PTPRT: variants seen among roughly 807,000 people sequenced by gnomAD.
PTPRT encodes the protein protein tyrosine phosphatase receptor type T.
A neutral mutation model predicts 176.8 loss-of-function variants in PTPRT; 56 were observed. The ratio of observed to expected loss-of-function variants is 0.32; its 90% CI spans 0.26 to 0.40. PTPRT has a LOEUF of 0.40. Among genes scored for constraint, PTPRT ranks in the 10% least tolerant of loss-of-function variants. The pLI, the probability that PTPRT is intolerant of heterozygous loss-of-function variation, is 1.00. For synonymous variants in PTPRT, 783 were observed against 739.0 expected, an observed-to-expected ratio of 1.06 and a Z score of -0.96; for missense variants, 1,540 against 1,908.2, an observed-to-expected ratio of 0.81 and a Z score of 3.60.
At chr20:42,269,554 G>C (rs2056895503) in intron 13 of PTPRT, among the ~76,000 whole-genome samples, 1 of 152,220 alleles carries the variant, frequency 6.6e-6, no homozygotes, top group Non-Finnish European at 1.5e-5. Flanking sequence ...ATCAACCTCT[G>C]ACATGAGTGG....
chr20:42,842,444 C>G (rs1009402235), intron 2 of PTPRT, among the ~76,000 whole-genome samples: 1 of 152,038 alleles, frequency 6.6e-6, no homozygotes, highest in Non-Finnish European at 1.5e-5. Context: ...TTTTTTGAGA[C>G]AGTCTTGCTC....
At chr20:42,094,231 G>A (rs1984956567) in intron 27 of PTPRT, among the ~76,000 whole-genome samples, 1 of 152,176 alleles carries the variant, frequency 6.6e-6, no homozygotes, top group African/African-American at 2.4e-5. Flanking sequence ...CAGACTTCAT[G>A]CCCAGGCTCA....
intron 11 of PTPRT, among the ~76,000 whole-genome samples, chr20:42,332,474 T>A (rs2057980072): frequency 6.6e-6 from 1 of 152,150 alleles, no homozygotes; most frequent in African/African-American, 2.4e-5. Context: ...CTTCCCAAAG[T>A]GCTGGGATTA....
chr20:42,911,983 T>TC (rs895446364), intron 1 of PTPRT, among the ~76,000 whole-genome samples: 3 of 150,802 alleles, frequency 2.0e-5, no homozygotes, highest in African/African-American at 7.3e-5. Flanking sequence ...TTTCTTTTTT[T>TC]TTTTTTTTTT....
chr20:42,922,186 G>C (rs1016987058), intron 1 of PTPRT, among the ~76,000 whole-genome samples: 1 of 152,010 alleles, frequency 6.6e-6, no homozygotes, highest in Non-Finnish European at 1.5e-5. Flanking sequence ...CACCCACCTT[G>C]GCCTCCCAAA....
At chr20:42,877,254 A>G (rs1018973305) in intron 2 of PTPRT, among the ~76,000 whole-genome samples, 1 of 152,060 alleles carries the variant, frequency 6.6e-6, no homozygotes, top group Non-Finnish European at 1.5e-5. Context: ...GCACACCCCA[A>G]TTCTCCAGCC....
intron 1 of PTPRT, among the ~76,000 whole-genome samples, chr20:43,186,439 C>T (rs1292708420): frequency 6.6e-6 from 1 of 152,186 alleles, no homozygotes; most frequent in African/African-American, 2.4e-5. Context: ...CACAGCATTG[C>T]TCTTGTTTCC....
At chr20:42,561,533 A>T (rs995219671) in intron 7 of PTPRT, among the ~76,000 whole-genome samples, 3 of 152,208 alleles carry the variant, frequency 2.0e-5, no homozygotes, top group African/African-American at 7.2e-5. Flanking sequence ...CTGTGTTTAA[A>T]GTTCTCCTAG....
Position 42,572,200 on chromosome 20 carries a change from A to G in PTPRT, c.1154-99638T>C, listed in dbSNP as rs549509097. Among the ~76,000 whole-genome samples, 5 of 152,084 alleles carry G rather than the reference A, an allele frequency of 3.3e-5. 1 individual carries two copies. The East Asian group carries it at 9.7e-4, about 29-fold the overall frequency. On this transcript the variant is annotated intron_variant, in intron 7 of 30. Coordinates refer to ENST00000373187, the MANE Select transcript of PTPRT (RefSeq NM_007050.6). ...CACTAATCCCGTTCATGGGGGTGGG[A>G]TCCTCCTGACATAATTGCTTCCTAA... is the stretch of plus-strand genomic sequence containing the variant.
At chr20:42,249,567 A>G (rs2056515327) in intron 13 of PTPRT, among the ~76,000 whole-genome samples, 1 of 152,210 alleles carries the variant, frequency 6.6e-6, no homozygotes, top group Non-Finnish European at 1.5e-5. Flanking sequence ...TCCCAAAGGT[A>G]GACGAGATAC....
intron 13 of PTPRT, among the ~76,000 whole-genome samples, chr20:42,279,828 C>T (rs2057108616): frequency 6.6e-6 from 1 of 152,166 alleles, no homozygotes; most frequent in African/African-American, 2.4e-5. Context: ...TGTAGCTGGT[C>T]ATAGACAGTG....
intron 6 of PTPRT, among the ~76,000 whole-genome samples, chr20:42,729,777 T>A (rs1254542152): frequency 2.0e-5 from 3 of 152,156 alleles, no homozygotes; most frequent in African/African-American, 7.2e-5. Context: ...CTGGAGGCTC[T>A]CCCATGAAAT....
chr20:42,653,855 G>C (rs1389874291), intron 7 of PTPRT, among the ~76,000 whole-genome samples: 1 of 152,138 alleles, frequency 6.6e-6, no homozygotes, highest in East Asian at 1.9e-4. Flanking sequence ...CAGTAAATTT[G>C]ACAATATCTA....
chr20:42,641,207 T>G (rs554391302), intron 7 of PTPRT, among the ~76,000 whole-genome samples: 1 of 152,276 alleles, frequency 6.6e-6, no homozygotes, highest in East Asian at 1.9e-4. Flanking sequence ...TTAAAGAGCA[T>G]GAGCCATTTT....
At chr20:42,615,018 G>T (rs1462843652) in intron 7 of PTPRT, among the ~76,000 whole-genome samples, 1 of 140,064 alleles carries the variant, frequency 7.1e-6, no homozygotes, top group Non-Finnish European at 1.5e-5. Context: ...CATGTGCCAT[G>T]CTGGTGTGCT....
intron 1 of PTPRT, among the ~76,000 whole-genome samples, chr20:43,150,049 T>C (rs1295786526): frequency 2.0e-5 from 3 of 152,220 alleles, no homozygotes; most frequent in Non-Finnish European, 4.4e-5. Flanking sequence ...ATCCACGCAA[T>C]AGAATCTTTG....
intron 19 of PTPRT, among the ~76,000 whole-genome samples, chr20:42,124,671 G>C (rs1373828443): frequency 1.3e-5 from 2 of 152,240 alleles, no homozygotes; most frequent in Non-Finnish European, 2.9e-5. Context: ...CAGGGTGATG[G>C]AGTGAGGACC....
At chr20:42,617,626 T>G in intron 7 of PTPRT, among the ~76,000 whole-genome samples, 1 of 138,452 alleles carries the variant, frequency 7.2e-6, no homozygotes, top group Non-Finnish European at 1.5e-5. Context: ...ATCCTGTTAT[T>G]GGTCTATTCA....
At chr20:42,388,790 A>T (rs1360372389) in intron 9 of PTPRT, among the ~76,000 whole-genome samples, 1 of 152,218 alleles carries the variant, frequency 6.6e-6, no homozygotes, top group Non-Finnish European at 1.5e-5. Flanking sequence ...TACCCAAAGG[A>T]TTATAAATCA....
Sources: gnomAD v4.1 joint callset for allele counts (sites outside exome capture counted in the v4.1 genomes callset) on GRCh38, gnomAD v4.1.1 for gene constraint, MANE v1.5 for transcripts, NCBI Gene and HGNC (gene_info 2026-07-23, HGNC 2026-07-21) for gene names.